Variants in EPHA8 observed in about 807,000 individuals in gnomAD.
The protein encoded by EPHA8 is EPH receptor A8, also known as ephrin type-A receptor 8.
In EPHA8, 58 loss-of-function variants were observed where a neutral mutation model predicts 103.6. The ratio of observed to expected loss-of-function variants is 0.56; its 90% CI spans 0.45 to 0.70. The LOEUF is 0.70. Among genes scored for constraint, EPHA8 ranks in the 30% least tolerant of loss-of-function variants. EPHA8 has a pLI of 0.00. For missense variants in EPHA8, 1,304 were observed against 1,395.2 expected, an observed-to-expected ratio of 0.93 and a Z score of 1.04; for synonymous variants, 559 against 572.5, an observed-to-expected ratio of 0.98 and a Z score of 0.34.
chr1:22,598,301 C>T lies in EPHA8; in HGVS notation c.2178+89C>T, dbSNP rs1447846330. ...AGATAGTGCAAAGCCCTCTAAGCCC[C>T]CTCCCTGGCTTGGACACCACAGGCC... On this transcript the variant is annotated intron_variant, in intron 12 of 16. Coordinates refer to ENST00000166244, the MANE Select transcript of EPHA8 (RefSeq NM_020526.5). The surrounding 1 kb of genome is among the most constrained non-coding windows in gnomAD (Gnocchi z 5.1). 3 of 1,355,582 alleles carry T rather than the reference C, an allele frequency of 2.2e-6. No homozygotes were observed. Among genetic ancestry groups the T allele is most frequent in the East Asian group, 4.6e-5 (2 of 43,158 alleles). 84.0% of individuals were successfully genotyped at this position (1,355,582 alleles called of 1,614,324 possible). A position where few individuals can be genotyped will look rare whatever the true frequency, so the allele number is the denominator to read the frequency against.
At chr1:22,571,662 T>C (rs1396247512) in intron 2 of EPHA8, among the ~76,000 whole-genome samples, 2 of 152,156 alleles carry the variant, frequency 1.3e-5, no homozygotes, top group African/African-American at 2.4e-5. Context: ...TTCCAAACTC[T>C]AGACCTTGAA....
intron 1 of EPHA8, among the ~76,000 whole-genome samples, chr1:22,565,238 AAC>A (rs1357121557): frequency 2.0e-5 from 3 of 152,182 alleles, no homozygotes; most frequent in African/African-American, 7.2e-5. Flanking sequence ...TGCACCAACA[AAC>A]ACACACAGAC....
rs1641589244 is a variant in EPHA8 at position 22,598,652 on chromosome 1, C to T, written c.2179-186C>T. Among the ~76,000 whole-genome samples, 1 of 152,214 alleles carries T rather than the reference C, an allele frequency of 6.6e-6. No homozygotes were observed. Among genetic ancestry groups the T allele is most frequent in the African/African-American group, 2.4e-5 (1 of 41,452 alleles). On this transcript the variant is annotated intron_variant, in intron 12 of 16. Transcript: ENST00000166244. This position sits in a 1 kb window ranked among gnomAD's most constrained non-coding sequence, Gnocchi z 5.1. ...CTGCCCCACGTACCTCGCAGGGTTG[C>T]TGTGAGGGTAAATGAGACCAGGAGA...
chr1:22,578,777 G>T (rs948085747), intron 3 of EPHA8, among the ~76,000 whole-genome samples: 2 of 151,754 alleles, frequency 1.3e-5, no homozygotes, highest in South Asian at 2.1e-4. Flanking sequence ...GTATGTGTAC[G>T]TGTGGGCATA....
In EPHA8 at chr1:22,589,643, A is replaced by G; in HGVS notation, c.1315+437A>G. On this transcript the variant is annotated intron_variant, in intron 5 of 16. Coordinates refer to ENST00000166244, the MANE Select transcript of EPHA8 (RefSeq NM_020526.5). The surrounding 1 kb of genome is among the most constrained non-coding windows in gnomAD (Gnocchi z 4.3). ...AAAATCACTCGGATGATCATTTTCC[A>G]GAACAGCTGCTACAGCTGCCCTTGG... 8.4e-7 allele frequency: 1 copy of G among 1,197,542 alleles called. No individual in the cohort carries two copies. Among genetic ancestry groups the G allele is most frequent in the Non-Finnish European group, 1.0e-6 (1 of 966,132 alleles). 74.2% of individuals were successfully genotyped at this position (1,197,542 alleles called of 1,614,324 possible). A position where few individuals can be genotyped will look rare whatever the true frequency, so the allele number is the denominator to read the frequency against.
In EPHA8 at chr1:22,601,776, C is replaced by T; in HGVS notation, c.*35C>T. ...AGCAGGGCCCAGGCAGCCACCAAGC[C>T]CACCCCAGGTCATGCCAGCGGCAGA... On this transcript the variant is annotated 3_prime_UTR_variant, in exon 17 of 17. Transcript: ENST00000166244. 1 of 1,537,100 alleles carries T rather than the reference C, an allele frequency of 6.5e-7. No homozygotes were observed.
At chr1:22,570,190 TCA>T (rs1222761682) in intron 2 of EPHA8, among the ~76,000 whole-genome samples, 3 of 152,208 alleles carry the variant, frequency 2.0e-5, no homozygotes, top group Non-Finnish European at 4.4e-5. Context: ...GTGTGTTCTC[TCA>T]CACAGTTACT....
At position 22,585,532 on chromosome 1, in the gene EPHA8, A is replaced by G. The variant is rs1641178788; in HGVS notation, c.824-948A>G. 2.0e-5 allele frequency among the ~76,000 whole-genome samples: 3 copies of G among 152,054 alleles called. 1 individual carries two copies. In the South Asian group the frequency reaches 6.2e-4, roughly 32 times the overall value. Reference sequence around the variant, plus strand: ...CCCCCTTGTTCTCTCCCTCCCTCCTAGCAGTGATCCCAGCTGAGAGCCAGT... The same window carrying G: ...CCCCCTTGTTCTCTCCCTCCCTCCTGGCAGTGATCCCAGCTGAGAGCCAGT... On this transcript the variant is annotated intron_variant, in intron 3 of 16. Transcript: ENST00000166244.
chr1:22,601,364 G>A lies in EPHA8; in HGVS notation c.2794G>A (p.Gly932Ser), dbSNP rs778194934. The change falls in exon 16 of 17, where the codon GGC becomes AGC. Residue 932 changes from glycine (G) to serine (S), a missense_variant. Transcript: ENST00000166244. ...CCGAGGGGGCAGCGGTGGCGGTGGG[G>A]GCCTCACCGTGGGGGACTGGCTGGA... ...DLRGGSGGGG[G>S]LTVGDWLDSI... The A allele has an allele frequency of 8.1e-6, 13 of 1,609,416 alleles. No individual in the cohort carries two copies. The highest frequency in any genetic ancestry group is 5.5e-5 in the South Asian group (5 of 90,722).
Position 22,597,562 on chromosome 1 carries a change from G to A in EPHA8, c.1930+86G>A. On this transcript the variant is annotated intron_variant, in intron 10 of 16. Transcript: ENST00000166244. This position sits in a 1 kb window ranked among gnomAD's most constrained non-coding sequence, Gnocchi z 4.6. ...AAGGTGGGGGCACCCAGGGCAGAGG[G>A]AGCGTGTGACCCAGGGGTCTGGCAA... 1 of 1,566,368 alleles carries A rather than the reference G, an allele frequency of 6.4e-7. No individual in the cohort carries two copies. Among genetic ancestry groups the A allele is most frequent in the Non-Finnish European group, 8.7e-7 (1 of 1,154,872 alleles).
intron 4 of EPHA8, among the ~76,000 whole-genome samples, chr1:22,586,851 C>T (rs1459424551): frequency 6.6e-6 from 1 of 152,182 alleles, no homozygotes; most frequent in Non-Finnish European, 1.5e-5. Context: ...TCCTGTGTCA[C>T]CTACACTGGA....
rs113813247 is a variant in EPHA8, at chr1:22,593,309, G to A, written c.1316-17G>A. On this transcript the variant is annotated splice_polypyrimidine_tract_variant and intron_variant, in intron 5 of 16. Transcript: ENST00000166244. ...CTTGTCTCCCCTCCGCCCATCTGACGGGATTGGCCGCCCCAGCCCCGTCCC... is the reference window on the plus strand; with the variant it reads ...CTTGTCTCCCCTCCGCCCATCTGACAGGATTGGCCGCCCCAGCCCCGTCCC... 25 of 1,552,146 alleles carry A rather than the reference G, an allele frequency of 1.6e-5. No homozygotes were observed. The highest frequency in any genetic ancestry group is 1.7e-4 in the Middle Eastern group (1 of 5,980).
chr1:22,582,873 C>G lies in EPHA8; in HGVS notation c.824-3607C>G, dbSNP rs558266955. ...CACCTGGACGCAGAATATAAATCAC[C>G]CTTCGCGGCCCTAATCATCTTTCTA... On this transcript the variant is annotated intron_variant, in intron 3 of 16. Transcript: ENST00000166244. Among the ~76,000 whole-genome samples, 21 of 152,246 alleles carry G rather than the reference C, an allele frequency of 1.4e-4. 1 individual carries two copies. Among genetic ancestry groups the G allele is most frequent in the South Asian group, 6.2e-4 (3 of 4,834 alleles).
intron 3 of EPHA8, among the ~76,000 whole-genome samples, chr1:22,581,540 G>A (rs1342968159): frequency 6.6e-6 from 1 of 152,182 alleles, no homozygotes; most frequent in Non-Finnish European, 1.5e-5. Context: ...GCCCAGAGAG[G>A]GGATATGTCT....
rs775464367 is a variant in EPHA8, at chr1:22,576,493, G to A, written c.436G>A (p.Asp146Asn). Residue 146 changes from aspartate (D) to asparagine (N), a missense_variant, in exon 3 of 17, where the codon GAC (aspartate) becomes AAC (asparagine). Asp to Asn is a conservative substitution (Grantham distance 23). Transcript: ENST00000166244. This position sits in a 1 kb window ranked among gnomAD's most constrained non-coding sequence, Gnocchi z 4.8. Reference protein sequence around the residue: ...STQESQFLKIDTIAADESFTG... With the variant: ...STQESQFLKINTIAADESFTG... ...ACAAGAAAGCCAGTTCCTCAAAATC[G>A]ACACCATTGCGGCCGACGAGAGCTT... 1.9e-6 allele frequency: 3 copies of A among 1,614,104 alleles called. No homozygotes were observed. Among genetic ancestry groups the A allele is most frequent in the Admixed American group, 1.7e-5 (1 of 60,024 alleles).
In EPHA8 at chr1:22,603,484, C is replaced by T. The variant is rs1253420804; in HGVS notation, c.*1743C>T. On this transcript the variant is annotated 3_prime_UTR_variant, in exon 17 of 17. Transcript: ENST00000166244. ...GGCCTGGCACTTGCAAAAGTGTGGC[C>T]CCTCACTCTAGTGTGTGGTCCCTCT... 1.3e-5 allele frequency: 2 copies of T among 152,194 alleles called. No individual in the cohort carries two copies. The highest frequency in any genetic ancestry group is 4.8e-5 in the African/African-American group (2 of 41,272). 9.4% of individuals were successfully genotyped at this position (152,194 alleles called of 1,614,324 possible). A position where few individuals can be genotyped will look rare whatever the true frequency, so the allele number is the denominator to read the frequency against.
chr1:22,578,242 ATGTG>A (rs199895912), intron 3 of EPHA8, among the ~76,000 whole-genome samples: 15,709 of 115,520 alleles, frequency 0.14, 962 homozygotes, highest in South Asian at 0.24. Flanking sequence ...GTATGTGTGC[ATGTG>A]TGTGTCTGTA....
chr1:22,591,865 T>G (rs1296124720), intron 5 of EPHA8, among the ~76,000 whole-genome samples: 1 of 152,190 alleles, frequency 6.6e-6, no homozygotes, highest in Admixed American at 6.5e-5. Context: ...AACGTGCCAG[T>G]GCCCTTCCGG....
In EPHA8 at chr1:22,603,080, C is replaced by G. The variant is rs1641784465; in HGVS notation, c.*1339C>G. 6.6e-6 allele frequency: 1 copy of G among 152,480 alleles called. No homozygotes were observed. The allele number at this position is 152,480 out of a possible 1,614,324, so 9.4% of individuals were successfully genotyped here. A position where few individuals can be genotyped will look rare whatever the true frequency, so the allele number is the denominator to read the frequency against. On this transcript the variant is annotated 3_prime_UTR_variant, in exon 17 of 17. Coordinates refer to ENST00000166244, the MANE Select transcript of EPHA8 (RefSeq NM_020526.5). ...CACCCAGGGTGAGAAAGCCCCATCC[C>G]GGGGGCCGTTGGCAGGCAGGGAAGC... is the stretch of plus-strand genomic sequence containing the variant.
Sources: gnomAD v4.1 joint callset for allele counts (sites outside exome capture counted in the v4.1 genomes callset) on GRCh38, gnomAD v4.1.1 for gene constraint, Gnocchi (gnomAD v3.1) non-coding constraint, MANE v1.5 for transcripts, NCBI Gene and HGNC (gene_info 2026-07-23, HGNC 2026-07-21) for gene names.